FAT3: variants seen among roughly 807,000 people sequenced by gnomAD.
FAT3 encodes FAT atypical cadherin 3.
In FAT3, 95 loss-of-function variants were observed where a neutral mutation model predicts 310.2. That is an observed-to-expected ratio of 0.31 (90% CI 0.26 to 0.36). The LOEUF is 0.36. Ranked by LOEUF, FAT3 falls within the 10% of genes least tolerant of loss-of-function variation. FAT3 has a pLI of 1.00. For synonymous variants in FAT3, 2,314 were observed against 2,192.9 expected (o/e 1.06, Z -1.54); for missense variants, 5,408 against 5,715.6 (o/e 0.95, Z 1.74).
chr11:92,290,274 C>T (rs1946657402), intron 1 of FAT3, among the ~76,000 whole-genome samples: 1 of 152,108 alleles, frequency 6.6e-6, no homozygotes, highest in African/African-American at 2.4e-5. Flanking sequence ...TTTTCAGTCT[C>T]CCTCCTCTAG....
chr11:92,890,235 G>C (rs114765937), intron 27 of FAT3, among the ~76,000 whole-genome samples: 1 of 152,182 alleles, frequency 6.6e-6, no homozygotes, highest in African/African-American at 2.4e-5. Flanking sequence ...CTGTCTCCTC[G>C]GCGTGCCCTC....
At chr11:92,559,189 A>G (rs751038594) in intron 3 of FAT3, among the ~76,000 whole-genome samples, 3 of 152,056 alleles carry the variant, frequency 2.0e-5, no homozygotes, top group Non-Finnish European at 4.4e-5. Context: ...TCACCTATTC[A>G]GATTGTTCAG....
At chr11:92,872,734 A>G (rs1565667795) in intron 22 of FAT3, among the ~76,000 whole-genome samples, 1 of 152,238 alleles carries the variant, frequency 6.6e-6, no homozygotes, top group Non-Finnish European at 1.5e-5. Flanking sequence ...TACAATATAT[A>G]AAATGTGAGC....
At position 92,588,333 on chromosome 11, in the gene FAT3, AT is replaced by A. The variant is rs948437765; in HGVS notation, c.3607+63394del. Among the ~76,000 whole-genome samples the A allele has an allele frequency of 7.3e-5, 11 of 151,126 alleles. 1 individual carries two copies. The South Asian group carries it at 1.1e-3, about 14-fold the overall frequency. ...AGTTGCTGTTCCAGGGCAGAGATGA[AT>A]TTTTTTTTCAGTAAGTCATGAGTGT... On this transcript the variant is annotated intron_variant, in intron 3 of 27. Transcript: ENST00000525166.
At chr11:92,392,798 C>T (rs913722909) in intron 2 of FAT3, among the ~76,000 whole-genome samples, 2 of 152,186 alleles carry the variant, frequency 1.3e-5, no homozygotes, top group Non-Finnish European at 2.9e-5. Flanking sequence ...CCCCAGAACC[C>T]TTCAGCTATA....
intron 3 of FAT3, among the ~76,000 whole-genome samples, chr11:92,653,788 G>T (rs995319685): frequency 1.3e-5 from 2 of 152,050 alleles, no homozygotes; most frequent in African/African-American, 4.8e-5. Flanking sequence ...TAATTCTTCA[G>T]TGAATTTTAA....
chr11:92,792,480 C>T (rs1947063469), intron 8 of FAT3, among the ~76,000 whole-genome samples: 1 of 152,044 alleles, frequency 6.6e-6, no homozygotes, highest in Admixed American at 6.6e-5. Context: ...GAGCACAGTG[C>T]TGTGTTTGTG....
At chr11:92,325,379 A>T (rs1403560239) in intron 1 of FAT3, among the ~76,000 whole-genome samples, 1 of 151,632 alleles carries the variant, frequency 6.6e-6, no homozygotes, top group Non-Finnish European at 1.5e-5. Context: ...ATTATCAGTG[A>T]CTCCCTAGGT....
chr11:92,833,178 T>C (rs1429489245), intron 14 of FAT3, among the ~76,000 whole-genome samples: 1 of 152,246 alleles, frequency 6.6e-6, no homozygotes, highest in Non-Finnish European at 1.5e-5. Flanking sequence ...TCATAGACTG[T>C]ATGGATTTCT....
intron 3 of FAT3, among the ~76,000 whole-genome samples, chr11:92,673,326 A>G (rs1410499061): frequency 6.6e-6 from 1 of 152,202 alleles, no homozygotes; most frequent in Non-Finnish European, 1.5e-5. Flanking sequence ...CAATTCAATA[A>G]ACACTAGTGA....
Position 92,834,906 on chromosome 11 carries a change from T to G in FAT3, c.9908T>G (p.Leu3303Ter). 1 of 1,612,734 alleles carries G rather than the reference T, an allele frequency of 6.2e-7. No homozygotes were observed. The highest frequency in any genetic ancestry group is 8.5e-7 in the Non-Finnish European group (1 of 1,179,396). Residue 3303 changes from leucine (L) to a stop codon, truncating the protein, a stop_gained, in exon 15 of 28, where the codon TTA (leucine) becomes TGA (stop). Transcript: ENST00000525166. LOFTEE classifies it high-confidence loss of function. The stretch of plus-strand genomic sequence containing the variant: ...GTCTCTGAAGTCCTGGACTATGAAT[T>G]ATGCAAAAGGTTTTACCTGGTAGTG... ...ISVSEVLDYE[L>*]CKRFYLVVEA... is the part of the protein sequence containing the mutation.
At chr11:92,384,694 G>A (rs1026988156) in intron 2 of FAT3, among the ~76,000 whole-genome samples, 3 of 152,082 alleles carry the variant, frequency 2.0e-5, no homozygotes, top group African/African-American at 7.2e-5. Context: ...TAAAAAAGTG[G>A]GAGAAGCAAA....
chr11:92,563,173 T>C (rs1955295480), intron 3 of FAT3, among the ~76,000 whole-genome samples: 1 of 152,198 alleles, frequency 6.6e-6, no homozygotes, highest in Non-Finnish European at 1.5e-5. Context: ...ATCTTTTGAG[T>C]AATTGCTCAG....
At chr11:92,243,790 C>A (rs889405436) in intron 1 of FAT3, among the ~76,000 whole-genome samples, 9 of 152,084 alleles carry the variant, frequency 5.9e-5, no homozygotes, top group Non-Finnish European at 1.2e-4. Context: ...AGTTTTAGAT[C>A]CAGATTCCAA....
intron 2 of FAT3, among the ~76,000 whole-genome samples, chr11:92,457,909 G>A (rs1013218911): frequency 2.0e-5 from 3 of 152,124 alleles, no homozygotes; most frequent in South Asian, 2.1e-4. Flanking sequence ...GCTACAAAGC[G>A]AGACTCCATC....
At chr11:92,467,866 C>A (rs1296817838) in intron 2 of FAT3, among the ~76,000 whole-genome samples, 1 of 152,144 alleles carries the variant, frequency 6.6e-6, no homozygotes, top group Non-Finnish European at 1.5e-5. Flanking sequence ...AAGTAAAATA[C>A]AAATATTAAC....
chr11:92,483,244 G>A (rs1363168678), intron 2 of FAT3, among the ~76,000 whole-genome samples: 1 of 152,124 alleles, frequency 6.6e-6, no homozygotes, highest in East Asian at 1.9e-4. Flanking sequence ...TTTTGCACAT[G>A]TCCATCATAC....
chr11:92,516,521 T>G (rs1304056022), intron 2 of FAT3, among the ~76,000 whole-genome samples: 2 of 152,080 alleles, frequency 1.3e-5, no homozygotes, highest in Admixed American at 6.6e-5. Flanking sequence ...GACAAGCCCA[T>G]AGCCAATATC....
intron 1 of FAT3, among the ~76,000 whole-genome samples, chr11:92,309,574 A>G (rs1324861776): frequency 6.6e-6 from 1 of 151,942 alleles, no homozygotes; most frequent in Admixed American, 6.6e-5. Context: ...TTTCTTTCCC[A>G]CCCCTTCCCT....
Sources: gnomAD v4.1 joint callset for allele counts (sites outside exome capture counted in the v4.1 genomes callset) on GRCh38, gnomAD v4.1.1 for gene constraint, MANE v1.5 for transcripts, NCBI Gene and HGNC (gene_info 2026-07-23, HGNC 2026-07-21) for gene names.